Variants in DNM2 observed in about 807,000 individuals in gnomAD.
DNM2 encodes the protein dynamin-2.
Under a neutral mutation model 99.0 loss-of-function variants are expected in DNM2, and 15 were observed. The ratio of observed to expected loss-of-function variants is 0.15; its 90% CI spans 0.10 to 0.23. The LOEUF (loss-of-function observed/expected upper bound fraction) is 0.23. DNM2 is among the 10% of genes least tolerant of loss of function. The probability of loss-of-function intolerance (pLI) is 1.00; values close to 1 mark genes in which losing one functional copy is unlikely to be tolerated. For missense variants in DNM2, 742 were observed against 1,189.4 expected (o/e 0.62, Z 5.53); for synonymous variants, 525 against 481.2 (o/e 1.09, Z -1.19).
chr19:10,829,922 G>A (rs368795948), intron 19 of DNM2, among the ~76,000 whole-genome samples: 31 of 152,250 alleles, frequency 2.0e-4, no homozygotes, highest in African/African-American at 7.5e-4. Context: ...CCCAAGGCCT[G>A]AGGGGGCCCT....
chr19:10,760,481 G>A (rs2070583610), intron 2 of DNM2, among the ~76,000 whole-genome samples: 1 of 152,202 alleles, frequency 6.6e-6, no homozygotes, highest in Non-Finnish European at 1.5e-5. Context: ...CAAAGTCCCA[G>A]CACCATGCCC....
chr19:10,807,602 G>A (rs2072392279), intron 13 of DNM2, among the ~76,000 whole-genome samples: 1 of 139,018 alleles, frequency 7.2e-6, no homozygotes, highest in Non-Finnish European at 1.5e-5. Context: ...AGGCTGGAGT[G>A]CAGTGGCGCG....
At chr19:10,813,727 GA>G (rs1233607998) in intron 15 of DNM2, among the ~76,000 whole-genome samples, 1 of 151,996 alleles carries the variant, frequency 6.6e-6, no homozygotes, top group Admixed American at 6.6e-5. Context: ...TCAGGAGGCT[GA>G]GGTGGGAGGG....
intron 3 of DNM2, among the ~76,000 whole-genome samples, chr19:10,774,781 T>TATTA (rs1320943294): frequency 2.3e-3 from 329 of 144,990 alleles, no homozygotes; most frequent in African/African-American, 8.2e-3. Flanking sequence ...ATATATTTAT[T>TATTA]TTTTTTTTTT....
chr19:10,789,261 G>T (rs1406204253), intron 7 of DNM2, among the ~76,000 whole-genome samples: 2 of 152,148 alleles, frequency 1.3e-5, no homozygotes, highest in African/African-American at 4.8e-5. Context: ...TAGACTGAAG[G>T]AAGTGTTGTT....
intron 16 of DNM2, among the ~76,000 whole-genome samples, chr19:10,822,602 G>A (rs377590057): frequency 2.6e-5 from 4 of 151,588 alleles, no homozygotes; most frequent in Non-Finnish European, 2.9e-5. Flanking sequence ...AGGTTTAAGC[G>A]ATTCTCCTGC....
chr19:10,785,328 C>T (rs985642856), intron 6 of DNM2, among the ~76,000 whole-genome samples: 13 of 151,182 alleles, frequency 8.6e-5, no homozygotes, highest in African/African-American at 2.4e-4. Flanking sequence ...GGGGTTTCAC[C>T]GTGTTAGCTG....
At chr19:10,786,491 G>C in intron 6 of DNM2, 73 bp from the exon 7 acceptor site, 2 of 1,605,690 alleles carry the variant, frequency 1.2e-6, no homozygotes, top group Non-Finnish European at 1.7e-6. Context: ...CCCTTGGTTG[G>C]GGGGAGTGTG....
At chr19:10,736,180 A>G (rs1175058211) in intron 1 of DNM2, among the ~76,000 whole-genome samples, 1 of 151,506 alleles carries the variant, frequency 6.6e-6, no homozygotes, top group Non-Finnish European at 1.5e-5. Flanking sequence ...CAGGAGAATC[A>G]CTTGAACACG....
intron 13 of DNM2, among the ~76,000 whole-genome samples, chr19:10,807,145 T>C (rs2072365391): frequency 6.6e-6 from 1 of 152,162 alleles, no homozygotes; most frequent in African/African-American, 2.4e-5. Context: ...CAATCTTGGC[T>C]CACTGCAACC....
chr19:10,778,577 A>G (rs1378827174), intron 5 of DNM2, among the ~76,000 whole-genome samples: 1 of 152,080 alleles, frequency 6.6e-6, no homozygotes, highest in Non-Finnish European at 1.5e-5. Context: ...GCTTGAGCCC[A>G]GGAGTTCGAA....
chr19:10,778,323 G>A (rs778755796), intron 5 of DNM2, among the ~76,000 whole-genome samples: 81 of 151,314 alleles, frequency 5.4e-4, no homozygotes, highest in Non-Finnish European at 9.7e-4. Context: ...GTGAGCCACC[G>A]CACCCGGCCA....
chr19:10,725,075 T>C (rs887520819), intron 1 of DNM2, among the ~76,000 whole-genome samples: 5 of 152,230 alleles, frequency 3.3e-5, no homozygotes, highest in Admixed American at 6.5e-5. Context: ...ACAGATCTTA[T>C]TAGTTTAGAG....
chr19:10,742,864 T>C (rs984268480), intron 1 of DNM2, among the ~76,000 whole-genome samples: 5 of 151,888 alleles, frequency 3.3e-5, no homozygotes, highest in Admixed American at 6.6e-5. Flanking sequence ...AGGCCCTGTG[T>C]GCCTGGAGCT....
intron 5 of DNM2, among the ~76,000 whole-genome samples, chr19:10,778,793 C>A (rs8106691): frequency 0.56 from 85,495 of 151,968 alleles, 24,238 homozygotes; most frequent in Admixed American, 0.61. Context: ...AGACCACATC[C>A]CACATTTGGG....
At chr19:10,762,806 G>T (rs1465226840) in intron 2 of DNM2, among the ~76,000 whole-genome samples, 7 of 152,108 alleles carry the variant, frequency 4.6e-5, no homozygotes, top group African/African-American at 1.7e-4. Context: ...AGATCCTGTG[G>T]CTGTTGGTGG....
At chr19:10,743,748 T>C (rs1001578201) in intron 1 of DNM2, among the ~76,000 whole-genome samples, 3 of 139,224 alleles carry the variant, frequency 2.2e-5, no homozygotes, top group African/African-American at 8.3e-5. Context: ...AGGCGGAGCT[T>C]GCAGTGAGCC....
intron 11 of DNM2, among the ~76,000 whole-genome samples, chr19:10,801,498 G>T (rs552631553): frequency 1.3e-5 from 2 of 150,812 alleles, no homozygotes; most frequent in Non-Finnish European, 2.9e-5. Flanking sequence ...ACATGCCTGC[G>T]ACCCCAGCAT....
At chr19:10,737,608 C>T (rs1416732823) in intron 1 of DNM2, among the ~76,000 whole-genome samples, 2 of 152,150 alleles carry the variant, frequency 1.3e-5, no homozygotes, top group African/African-American at 4.8e-5. Flanking sequence ...GCCTCAGCCT[C>T]CCAAGTAGCT....
Sources: allele counts gnomAD v4.1 joint callset (sites outside exome capture counted in the v4.1 genomes callset), GRCh38; gene constraint gnomAD v4.1.1; transcripts MANE v1.5; gene names NCBI Gene and HGNC (gene_info 2026-07-23, HGNC 2026-07-21).